TNS3: variants seen among roughly 807,000 people sequenced by gnomAD.
The protein encoded by TNS3 is tensin 3.
A neutral mutation model predicts 140.9 loss-of-function variants in TNS3; 45 were observed. The observed-to-expected ratio is 0.32, with a 90% CI of 0.25 to 0.41. TNS3 has a LOEUF of 0.41. Ranked by LOEUF, TNS3 falls within the 10% of genes least tolerant of loss-of-function variation. The pLI is 1.00. For missense variants in TNS3, 1,716 were observed against 1,906.7 expected (o/e 0.90, Z 1.86); for synonymous variants, 815 against 788.4 (o/e 1.03, Z -0.56).
Position 47,494,357 on chromosome 7 carries a change from A to G in TNS3, c.-115+12550T>C, listed in dbSNP as rs556489574. Among the ~76,000 whole-genome samples, 5 of 150,086 alleles carry G rather than the reference A, an allele frequency of 3.3e-5. No individual in the cohort carries two copies. The East Asian group carries it at 9.7e-4, about 29-fold the overall frequency. On this transcript the variant is annotated intron_variant, in intron 3 of 30. Coordinates refer to ENST00000311160, the MANE Select transcript of TNS3 (RefSeq NM_022748.12). ...TTTCTAACCAACCTCCTGAGGTTCA[A>G]TCGACTCCCCTCCAAATGCTTTTTA...
At chr7:47,322,756 G>C (rs1285212019) in intron 20 of TNS3, among the ~76,000 whole-genome samples, 4 of 152,126 alleles carry the variant, frequency 2.6e-5, no homozygotes, top group Admixed American at 6.5e-5. Flanking sequence ...GGAAGGACTG[G>C]AGACCCCGCA....
intron 23 of TNS3, among the ~76,000 whole-genome samples, chr7:47,298,218 C>T (rs1000881196): frequency 7.2e-5 from 11 of 152,218 alleles, no homozygotes; most frequent in African/African-American, 2.4e-4. Flanking sequence ...CCCCCTATCC[C>T]GTGGCTCCAT....
chr7:47,301,806 C>T (rs898150563), intron 23 of TNS3, among the ~76,000 whole-genome samples: 1 of 152,144 alleles, frequency 6.6e-6, no homozygotes, highest in African/African-American at 2.4e-5. Flanking sequence ...TCTCCTGCTT[C>T]CTCACCCTGT....
chr7:47,383,376 CA>C (rs1222668582), intron 16 of TNS3, among the ~76,000 whole-genome samples: 5 of 152,128 alleles, frequency 3.3e-5, no homozygotes, highest in Admixed American at 3.3e-4. Flanking sequence ...TCGTGGTTGC[CA>C]GGGGCTGAGG....
chr7:47,517,602 C>T (rs868034278), intron 2 of TNS3, among the ~76,000 whole-genome samples: 1 of 152,198 alleles, frequency 6.6e-6, no homozygotes, highest in African/African-American at 2.4e-5. Context: ...ATTTTGTAAG[C>T]CTATAAATAT....
intron 2 of TNS3, among the ~76,000 whole-genome samples, chr7:47,521,124 G>A (rs1430284532): frequency 6.6e-6 from 1 of 152,162 alleles, no homozygotes; most frequent in Non-Finnish European, 1.5e-5. Context: ...CAGGGGAGCA[G>A]ATAGATTCAT....
At chr7:47,329,495 C>T (rs1012229454) in intron 20 of TNS3, among the ~76,000 whole-genome samples, 3 of 152,180 alleles carry the variant, frequency 2.0e-5, no homozygotes, top group African/African-American at 7.2e-5. Context: ...ATGCCCTACC[C>T]CAAGAGGGAC....
chr7:47,390,995 G>A (rs1792480251), intron 16 of TNS3, among the ~76,000 whole-genome samples: 1 of 152,126 alleles, frequency 6.6e-6, no homozygotes, highest in Non-Finnish European at 1.5e-5. Context: ...CTGTCACCCA[G>A]CAAAGAAGCC....
chr7:47,445,657 C>T (rs1442668032), intron 4 of TNS3, among the ~76,000 whole-genome samples: 1 of 152,232 alleles, frequency 6.6e-6, no homozygotes, highest in South Asian at 2.1e-4. Context: ...TGACTAAAAT[C>T]CCCCTGAATC....
chr7:47,421,502 G>A (rs1442281449), intron 10 of TNS3, among the ~76,000 whole-genome samples: 2 of 151,802 alleles, frequency 1.3e-5, no homozygotes, highest in East Asian at 1.9e-4. Context: ...CAAACTCCTG[G>A]ACTCAAGGGA....
At chr7:47,283,999 G>A (rs1785282297) in intron 27 of TNS3, 134 bp from the exon 28 acceptor site, 4 of 746,300 alleles carry the variant, frequency 5.4e-6, no homozygotes, top group Non-Finnish European at 6.0e-6. Context: ...CTGGGTGCAT[G>A]TAAGGCAGAT....
intron 16 of TNS3, 23 bp downstream of exon 16, chr7:47,396,775 CTG>C: frequency 6.3e-7 from 1 of 1,581,278 alleles, no homozygotes; most frequent in Middle Eastern, 1.7e-4. Context: ...GCCTCCATAA[CTG>C]CACACAAGAT....
At position 47,278,015 on chromosome 7, in the gene TNS3, C is replaced by A; in HGVS notation, c.*61G>T. ...GTAAAAAGTGGGGGCCCCACCCTCA[C>A]CCAACGGCTGTCTCCAGGGCTTCGA... On this transcript the variant is annotated 3_prime_UTR_variant, in exon 31 of 31. Transcript: ENST00000311160. 1 of 1,611,560 alleles carries A rather than the reference C, an allele frequency of 6.2e-7. No homozygotes were observed. The highest frequency in any genetic ancestry group is 1.1e-5 in the South Asian group (1 of 90,596).
chr7:47,434,703 TGC>T, intron 8 of TNS3, among the ~76,000 whole-genome samples: 1 of 151,930 alleles, frequency 6.6e-6, no homozygotes, highest in Non-Finnish European at 1.5e-5. Flanking sequence ...GGAGGAGGAG[TGC>T]CCACCAGCTA....
intron 16 of TNS3, among the ~76,000 whole-genome samples, chr7:47,393,297 C>G (rs1792637146): frequency 6.6e-6 from 1 of 152,092 alleles, no homozygotes; most frequent in Non-Finnish European, 1.5e-5. Context: ...GAAAGAAAAG[C>G]ATAAAACTCA....
chr7:47,561,393 C>G (rs377493192), intron 1 of TNS3, among the ~76,000 whole-genome samples: 1 of 152,170 alleles, frequency 6.6e-6, no homozygotes, highest in Non-Finnish European at 1.5e-5. Flanking sequence ...TGGGACCACC[C>G]ACCTCAGGAT....
intron 1 of TNS3, among the ~76,000 whole-genome samples, chr7:47,549,825 G>A (rs146650534): frequency 2.7e-3 from 405 of 152,306 alleles, no homozygotes; most frequent in African/African-American, 9.5e-3. Context: ...ATGAATGAAT[G>A]ATACTCCTGA....
intron 17 of TNS3, among the ~76,000 whole-genome samples, chr7:47,359,499 T>A (rs900600475): frequency 6.6e-6 from 1 of 152,186 alleles, no homozygotes; most frequent in African/African-American, 2.4e-5. Context: ...GCAAATGTCC[T>A]TACTACCACT....
intron 16 of TNS3, among the ~76,000 whole-genome samples, chr7:47,395,900 G>A (rs1584559681): frequency 6.6e-6 from 1 of 152,152 alleles, no homozygotes; most frequent in South Asian, 2.1e-4. Flanking sequence ...CAACAGAGAG[G>A]AGCCATGTGC....
Sources: gnomAD v4.1 joint callset for allele counts (sites outside exome capture counted in the v4.1 genomes callset) on GRCh38, gnomAD v4.1.1 for gene constraint, MANE v1.5 for transcripts, NCBI Gene and HGNC (gene_info 2026-07-23, HGNC 2026-07-21) for gene names.